Variants in PRRG3 observed in about 807,000 individuals in gnomAD.
PRRG3 encodes proline rich and Gla domain 3.
In PRRG3, 21 loss-of-function variants were observed where a neutral mutation model predicts 15.8. That is an observed-to-expected ratio of 1.33 (90% CI 0.94 to 1.92). The LOEUF is 1.92. Among genes scored for constraint, PRRG3 ranks in the 40% most tolerant of loss-of-function variants. The pLI, the probability that PRRG3 is intolerant of heterozygous loss-of-function variation, is 0.00. For missense variants in PRRG3, 251 were observed against 200.2 expected (o/e 1.25, Z -1.53); for synonymous variants, 125 against 84.1 (o/e 1.49, Z -2.66).
upstream of PRRG3, among the ~76,000 whole-genome samples, chrX:151,694,701 CTCTTTTCGTTGG>C (rs2014724724): frequency 9.0e-6 from 1 of 110,546 alleles, no homozygotes; most frequent in Admixed American, 9.5e-5. Flanking sequence ...TAGCCCCCCT[CTCTTTTCGTTGG>C]CCCCAGGAGC....
In PRRG3 at chrX:151,701,108, C is replaced by G. The variant is rs1385830964; in HGVS notation, c.*75C>G. 7 of 951,416 alleles carry G rather than the reference C, an allele frequency of 7.4e-6. No homozygotes were observed. The highest frequency in any genetic ancestry group is 9.7e-6 in the Non-Finnish European group (7 of 720,161). 78.4% of individuals were successfully genotyped at this position (951,416 alleles called of 1,213,427 possible). A position where few individuals can be genotyped will look rare whatever the true frequency, so the allele number is the denominator to read the frequency against. The stretch of plus-strand genomic sequence containing the variant: ...TATTTTCTTTTTAACTTTTTAAAGA[C>G]TGTGCCACCACAAAACAGCCTTAGC... On this transcript the variant is annotated 3_prime_UTR_variant, in exon 4 of 4. Coordinates refer to ENST00000674457, the MANE Select transcript of PRRG3 (RefSeq NM_001372163.1).
chrX:151,697,292 T>A lies in PRRG3; in HGVS notation c.-31-1492T>A, dbSNP rs748361294. 6.6e-4 allele frequency among the ~76,000 whole-genome samples: 72 copies of A among 109,772 alleles called. 1 individual carries two copies. Among genetic ancestry groups the A allele is most frequent in the Non-Finnish European group, 1.2e-3 (64 of 52,682 alleles). ...CCCCTGTCTCAGCCTCCAGAGTAGCTGGGACTACAGGCATGCACCGCAGCA... is the reference window on the plus strand; with the variant it reads ...CCCCTGTCTCAGCCTCCAGAGTAGCAGGGACTACAGGCATGCACCGCAGCA... On this transcript the variant is annotated intron_variant, in intron 1 of 3. Transcript: ENST00000674457.
Position 151,700,866 on chromosome X carries a change from C to G in PRRG3, c.529C>G (p.Leu177Val). 8.3e-7 allele frequency: 1 copy of G among 1,208,596 alleles called. No individual in the cohort carries two copies. The highest frequency in any genetic ancestry group is 1.1e-6 in the Non-Finnish European group (1 of 893,867). ...TTVRLESTLYLPELSLSRLSS... is the reference protein window; with the variant it reads ...TTVRLESTLYVPELSLSRLSS... ...AGTCCGGCTAGAGAGCACCCTCTAC[C>G]TCCCTGAGCTCTCTCTCTCCAGACT... The change falls in exon 4 of 4, where the codon CTC becomes GTC. Residue 177 changes from leucine (L) to valine (V), a missense_variant. Leu to Val is a conservative substitution (Grantham distance 32). Transcript: ENST00000674457.
At position 151,701,712 on chromosome X, in the gene PRRG3, G is replaced by C. The variant is rs777161949; in HGVS notation, c.*679G>C. 1.8e-5 allele frequency: 2 copies of C among 112,261 alleles called. No individual in the cohort carries two copies. The highest frequency in any genetic ancestry group is 6.5e-5 in the African/African-American group (2 of 30,907). 9.3% of individuals were successfully genotyped at this position (112,261 alleles called of 1,213,427 possible). On this transcript the variant is annotated 3_prime_UTR_variant, in exon 4 of 4. Transcript: ENST00000674457. ...CTGGAAGGAGGACAGGGTGTGTGAA[G>C]GATGAGGGCCAGAGGGCTGGGTGGC...
At position 151,702,963 on chromosome X, in the gene PRRG3, G is replaced by A. The variant is rs545525636; in HGVS notation, c.*1930G>A. 2.7e-5 allele frequency: 3 copies of A among 112,664 alleles called. No homozygotes were observed. In the South Asian group the frequency reaches 1.1e-3, roughly 41 times the overall value. 9.3% of individuals were successfully genotyped at this position (112,664 alleles called of 1,213,427 possible). ...GTAGGTGCCAGAGTGTGACCTGGGA[G>A]CAGGTGAGAAGAAACTTATCCCAAT... On this transcript the variant is annotated 3_prime_UTR_variant, in exon 4 of 4. Coordinates refer to ENST00000674457, the MANE Select transcript of PRRG3 (RefSeq NM_001372163.1).
In PRRG3 at chrX:151,695,559, G is replaced by T. The variant is rs1455531453; in HGVS notation, c.-32+15G>T. ...CCCGGAGAACGGTGAGGCCATTTGG[G>T]TTGGGTGTCCCAGTCCCGAGGGCAC... On this transcript the variant is annotated intron_variant, in intron 1 of 3. Coordinates refer to ENST00000674457, the MANE Select transcript of PRRG3 (RefSeq NM_001372163.1). The T allele has an allele frequency of 2.7e-5, 3 of 112,335 alleles. No individual in the cohort carries two copies. Among genetic ancestry groups the T allele is most frequent in the African/African-American group, 9.7e-5 (3 of 30,861 alleles). The allele number at this position is 112,335 out of a possible 1,213,427, so 9.3% of individuals were successfully genotyped here.
At chrX:151,698,612 T>C (rs1218642687) in intron 1 of PRRG3, 172 bp from the exon 2 acceptor site, 1 of 364,410 alleles carries the variant, frequency 2.7e-6, no homozygotes, top group Non-Finnish European at 4.8e-6. Context: ...TGGGGCAGAA[T>C]GAGAAGCAGC....
chrX:151,700,164 C>T lies in PRRG3; in HGVS notation c.168+8C>T. 2 of 1,211,891 alleles carry T rather than the reference C, an allele frequency of 1.7e-6. No homozygotes were observed. The highest frequency in any genetic ancestry group is 3.5e-5 in the South Asian group (2 of 56,963). ...GAGAACAAAGAGAAAACGGCATGTA[C>T]CACCCTGGGGCTGGTTCTGGGAGTA... On this transcript the variant is annotated splice_region_variant and intron_variant, in intron 3 of 3. Transcript: ENST00000674457.
At chrX:151,698,658 C>A in intron 1 of PRRG3, 126 bp from the exon 2 acceptor site, 1 of 460,231 alleles carries the variant, frequency 2.2e-6, no homozygotes, top group South Asian at 4.1e-5. Context: ...GACGACGCAC[C>A]CCACAAGGTG....
Position 151,699,999 on chromosome X carries a change from T to G in PRRG3, c.11T>G (p.Phe4Cys), listed in dbSNP as rs1359934329. 3 of 1,203,109 alleles carry G rather than the reference T, an allele frequency of 2.5e-6. No homozygotes were observed. The highest frequency in any genetic ancestry group is 3.4e-6 in the Non-Finnish European group (3 of 890,880). The change falls in exon 3 of 4, where the codon TTT (phenylalanine) becomes TGT (cysteine). Residue 4 changes from phenylalanine to cysteine, a missense_variant. By Grantham distance (205) the Phe-to-Cys change is radical. Transcript: ENST00000674457. Reference protein sequence around the residue: MAVFLEAKDAHSVL... With the variant: MAVCLEAKDAHSVL... ...CTCAGTAGGGCTCTCTCCTCAGTGT[T>G]TCTGGAGGCCAAGGATGCCCATTCG... is the stretch of plus-strand genomic sequence containing the variant.
In PRRG3 at chrX:151,702,696, A is replaced by G. The variant is rs1309044078; in HGVS notation, c.*1663A>G. On this transcript the variant is annotated 3_prime_UTR_variant, in exon 4 of 4. Coordinates refer to ENST00000674457, the MANE Select transcript of PRRG3 (RefSeq NM_001372163.1). ...TGGAGAGTCAATCTCCCGTCAGTTG[A>G]CCCTTTCCATCCTCTCGTCCTCCCT... 8.9e-6 allele frequency: 1 copy of G among 111,855 alleles called. No individual in the cohort carries two copies. Among genetic ancestry groups the G allele is most frequent in the Non-Finnish European group, 1.9e-5 (1 of 53,098 alleles). 9.2% of individuals were successfully genotyped at this position (111,855 alleles called of 1,213,427 possible). A position where few individuals can be genotyped will look rare whatever the true frequency, so the allele number is the denominator to read the frequency against.
rs1313168333 is a variant in PRRG3, at chrX:151,704,578, G to A, written c.*3545G>A. The A allele has an allele frequency of 1.8e-5, 2 of 111,301 alleles. No homozygotes were observed. The highest frequency in any genetic ancestry group is 2.9e-4 in the East Asian group (1 of 3,500). 9.2% of individuals were successfully genotyped at this position (111,301 alleles called of 1,213,427 possible). The stretch of plus-strand genomic sequence containing the variant: ...TTATTTTGTCCAAGAGAGAGATCAT[G>A]GAGAGAGTCTCTCTCGCTCACGGAG... On this transcript the variant is annotated 3_prime_UTR_variant, in exon 4 of 4. Coordinates refer to ENST00000674457, the MANE Select transcript of PRRG3 (RefSeq NM_001372163.1).
rs1169900851 is a variant in PRRG3 at position 151,705,363 on chromosome X, C to T, written c.*4330C>T. ...TTCAGACTGTGGGCAGCGAGTCTCT[C>T]TCTAGCAAGAATTTATCTGACAAAC... On this transcript the variant is annotated 3_prime_UTR_variant, in exon 4 of 4. Transcript: ENST00000674457. 5.9e-6 allele frequency: 2 copies of T among 341,852 alleles called. No homozygotes were observed. Among genetic ancestry groups the T allele is most frequent in the Admixed American group, 6.2e-5 (2 of 32,054 alleles). The allele number at this position is 341,852 out of a possible 1,213,427, so 28.2% of individuals were successfully genotyped here.
At chrX:151,696,414 T>C (rs74863601) in intron 1 of PRRG3, among the ~76,000 whole-genome samples, 4,023 of 110,279 alleles carry the variant, frequency 0.036, 68 homozygotes, top group Middle Eastern at 0.088. Context: ...TTTGGGGGTG[T>C]TCCTGGCTCG....
intron 1 of PRRG3, among the ~76,000 whole-genome samples, 183 bp downstream of exon 1, chrX:151,695,727 C>G (rs2014748862): frequency 9.1e-6 from 1 of 110,430 alleles, no homozygotes; most frequent in African/African-American, 3.3e-5. Flanking sequence ...TGGTGTCCAG[C>G]GAAGGTGGGC....
At position 151,705,323 on chromosome X, in the gene PRRG3, G is replaced by A. The variant is rs200427993; in HGVS notation, c.*4290G>A. On this transcript the variant is annotated 3_prime_UTR_variant, in exon 4 of 4. Coordinates refer to ENST00000674457, the MANE Select transcript of PRRG3 (RefSeq NM_001372163.1). ...ATCATTCGCCTCCAAATATTCAAAC[G>A]TGGGAGCTTTTCCTTTCAGACTGTG... is the stretch of plus-strand genomic sequence containing the variant. 1.0e-4 allele frequency: 35 copies of A among 341,947 alleles called. No individual in the cohort carries two copies. The East Asian group carries it at 2.6e-3, about 26-fold the overall frequency. 28.2% of individuals were successfully genotyped at this position (341,947 alleles called of 1,213,427 possible).
Position 151,700,095 on chromosome X carries a change from G to T in PRRG3, c.107G>T (p.Cys36Phe). 2.5e-6 allele frequency: 3 copies of T among 1,212,147 alleles called. No homozygotes were observed. The highest frequency in any genetic ancestry group is 3.3e-6 in the Non-Finnish European group (3 of 895,634). The change falls in exon 3 of 4, where the codon TGC (cysteine) becomes TTC (phenylalanine). Residue 36 changes from cysteine to phenylalanine, a missense_variant. Transcript: ENST00000674457. ...ELRQGTIERE[C>F]MEEICSYEEV... ...CGCCAGGGCACCATCGAGCGAGAGT[G>T]CATGGAGGAGATCTGCAGCTACGAG...
upstream of PRRG3, chrX:151,695,418 C>G (rs1233264995): frequency 1.1e-4 from 11 of 103,963 alleles, no homozygotes; most frequent in South Asian, 4.3e-4. Flanking sequence ...ACGGCTGGGC[C>G]GGACCGGGGG....
rs975727343 is a variant in PRRG3 at position 151,699,118 on chromosome X, G to T, written c.7+297G>T. On this transcript the variant is annotated intron_variant, in intron 2 of 3. Coordinates refer to ENST00000674457, the MANE Select transcript of PRRG3 (RefSeq NM_001372163.1). The stretch of plus-strand genomic sequence containing the variant: ...AAAGACATGCCAGCTTGGGCATCCA[G>T]GGGGAGTTGCTTTACATGGGAACCA... Among the ~76,000 whole-genome samples the T allele has an allele frequency of 2.7e-5, 3 of 113,049 alleles. No homozygotes were observed. In the Admixed American group the frequency reaches 2.8e-4, roughly 10 times the overall value.
Sources: gnomAD v4.1 joint callset for allele counts (sites outside exome capture counted in the v4.1 genomes callset) on GRCh38, gnomAD v4.1.1 for gene constraint, MANE v1.5 for transcripts, NCBI Gene and HGNC (gene_info 2026-07-23, HGNC 2026-07-21) for gene names.